The following NBPF12 variants were observed in gnomAD, a reference collection of about 807,000 sequenced individuals.
The protein encoded by NBPF12 is NBPF member 12.
In NBPF12, 115 loss-of-function variants were observed where a neutral mutation model predicts 146.4. The ratio of observed to expected loss-of-function variants is 0.79; its 90% CI spans 0.68 to 0.92. The LOEUF (loss-of-function observed/expected upper bound fraction) is 0.92, where lower values mean the gene tolerates loss of function less well. Among genes scored for constraint, NBPF12 ranks in the 40% least tolerant of loss-of-function variants. The pLI is 0.00. For missense variants in NBPF12, 1,205 were observed against 1,326.8 expected, an observed-to-expected ratio of 0.91 and a Z score of 1.43; for synonymous variants, 385 against 508.9, an observed-to-expected ratio of 0.76 and a Z score of 3.28.
chr1:146,968,567 G>C lies in NBPF12; in HGVS notation c.1091+17G>C, dbSNP rs1656351771. 1.9e-6 allele frequency: 3 copies of C among 1,569,980 alleles called. No homozygotes were observed. In the East Asian group the frequency reaches 6.7e-5, roughly 35 times the overall value. ...GGAGCTCAGGTGAGGGGACCCCATG[G>C]GGGCAGGCAGGGGGGCAGGTGTGTA... On this transcript the variant is annotated intron_variant, in intron 10 of 33. Transcript: ENST00000617844.
intron 27 of NBPF12, among the ~76,000 whole-genome samples, 185 bp from the exon 31 acceptor site, chr1:146,989,389 T>A (rs1158110397): frequency 2.0e-5 from 3 of 150,842 alleles, no homozygotes; most frequent in African/African-American, 7.3e-5. Context: ...TCTCTGTCTT[T>A]CTCTTTCATT....
intron 19 of NBPF12, among the ~76,000 whole-genome samples, chr1:146,981,258 A>C (rs1657356565): frequency 8.2e-6 from 1 of 122,346 alleles, no homozygotes; most frequent in Non-Finnish European, 1.7e-5. Flanking sequence ...GTGCACATGT[A>C]CCCTAAGACT....
At chr1:146,971,716 T>A (rs1656627444) in intron 13 of NBPF12, among the ~76,000 whole-genome samples, 1 of 150,600 alleles carries the variant, frequency 6.6e-6, no homozygotes, top group Non-Finnish European at 1.5e-5. Flanking sequence ...GCTAACACGA[T>A]CCTCCCACTC....
At chr1:146,972,855 T>A in exon 14 of NBPF12, 1 of 1,253,836 alleles carries the variant, frequency 8.0e-7, no homozygotes, top group Non-Finnish European at 1.2e-6. Context: ...CAATGAGAAG[T>A]TGCGCCCCCA....
chr1:146,972,459 A>T (rs1335759670), intron 13 of NBPF12, among the ~76,000 whole-genome samples: 1 of 151,490 alleles, frequency 6.6e-6, no homozygotes, highest in Non-Finnish European at 1.5e-5. Context: ...TTTGTGCTAC[A>T]CAGAAACATT....
At chr1:146,944,197 G>T (rs2101809548) in intron 2 of NBPF12, among the ~76,000 whole-genome samples, 1 of 129,462 alleles carries the variant, frequency 7.7e-6, no homozygotes, top group South Asian at 3.0e-4. Context: ...CCTTGTGGTG[G>T]ACGCCTTCTT....
chr1:146,949,139 ATGGGTCCTCC>A (rs1222122560), upstream of NBPF12, among the ~76,000 whole-genome samples: 10,885 of 136,104 alleles, frequency 0.08, no homozygotes, highest in East Asian at 0.17. Context: ...CAGTGCCGGC[ATGGGTCCTCC>A]GGCATGGGTC....
chr1:146,951,228 C>T, intron 1 of NBPF12, 120 bp from the exon 5 acceptor site: 1 of 641,750 alleles, frequency 1.6e-6, no homozygotes, highest in Non-Finnish European at 2.8e-6. Flanking sequence ...TTCTCTCAGG[C>T]CACACAGGGC....
At position 146,950,339 on chromosome 1, in the gene NBPF12, C is replaced by A. The variant is rs1252260725; in HGVS notation, c.-326+917C>A. On this transcript the variant is annotated intron_variant, in intron 1 of 33. Coordinates refer to ENST00000617844, the Ensembl canonical transcript of NBPF12. ...GACATAATTCCCTTACCTCTGTCGA[C>A]CTGTGAAACTGAACAAACAGCTTAT... Among the ~76,000 whole-genome samples, 164 of 152,086 alleles carry A rather than the reference C, an allele frequency of 1.1e-3. 2 individuals are homozygous for A. The highest frequency in any genetic ancestry group is 3.4e-3 in the African/African-American group (139 of 41,418).
At chr1:146,971,432 A>G in intron 13 of NBPF12, 38 bp downstream of exon 16, 1 of 1,538,476 alleles carries the variant, frequency 6.5e-7, no homozygotes, top group Non-Finnish European at 9.0e-7. Context: ...ACCTCTGTCT[A>G]GGCTATGGAA....
At chr1:146,973,574 G>A (rs1656796670) in intron 14 of NBPF12, among the ~76,000 whole-genome samples, 1 of 149,226 alleles carries the variant, frequency 6.7e-6, no homozygotes, top group Non-Finnish European at 1.5e-5. Context: ...TAGAGCACGA[G>A]GTCAGGAGTT....
chr1:146,970,420 G>A (rs1273776061), intron 11 of NBPF12, among the ~76,000 whole-genome samples: 7 of 150,640 alleles, frequency 4.6e-5, no homozygotes, highest in African/African-American at 1.2e-4. Context: ...GAAGCAAAAG[G>A]TCTTTTCAGT....
intron 17 of NBPF12, among the ~76,000 whole-genome samples, 171 bp from the exon 21 acceptor site, chr1:146,977,295 G>A (rs1222837612): frequency 2.0e-5 from 3 of 148,432 alleles, no homozygotes; most frequent in African/African-American, 2.6e-5. Flanking sequence ...CATGGCAGCC[G>A]TGCTCTGTTG....
intron 2 of NBPF12, among the ~76,000 whole-genome samples, chr1:146,954,969 AAT>A (rs1171967177): frequency 0.022 from 1,174 of 53,320 alleles, 10 homozygotes; most frequent in Non-Finnish European, 0.03. Flanking sequence ...CCAAATAGGG[AAT>A]ATATATATAT....
chr1:146,966,505 G>A (rs1656220944), exon 9 of NBPF12: 2 of 1,466,322 alleles, frequency 1.4e-6, no homozygotes, highest in African/African-American at 1.4e-5. Flanking sequence ...CAGCATGGTG[G>A]TATCAGCCGG....
intron 27 of NBPF12, among the ~76,000 whole-genome samples, 177 bp from the exon 31 acceptor site, chr1:146,989,397 A>T (rs1192014816): frequency 6.7e-6 from 1 of 149,650 alleles, no homozygotes; most frequent in Admixed American, 6.7e-5. Context: ...TTTCTCTTTC[A>T]TTGTTTTCTA....
chr1:146,990,952 C>T (rs1658108209), intron 29 of NBPF12, among the ~76,000 whole-genome samples, 161 bp from the exon 33 acceptor site: 1 of 125,064 alleles, frequency 8.0e-6, no homozygotes, highest in African/African-American at 3.2e-5. Context: ...TTCTACCTGG[C>T]CCTGGTCTAT....
At chr1:146,967,045 A>T (rs1656256957) in intron 9 of NBPF12, among the ~76,000 whole-genome samples, 2 of 151,500 alleles carry the variant, frequency 1.3e-5, no homozygotes, top group South Asian at 2.1e-4. Flanking sequence ...GAGACTAGTG[A>T]ACTTTTATTC....
intron 8 of NBPF12, among the ~76,000 whole-genome samples, chr1:146,965,907 A>C (rs1656172635): frequency 1.3e-5 from 2 of 150,940 alleles, no homozygotes; most frequent in Admixed American, 1.3e-4. Flanking sequence ...CAGGAGATCG[A>C]AACCAGCCTG....
Sources: gnomAD v4.1 joint callset for allele counts (sites outside exome capture counted in the v4.1 genomes callset) on GRCh38, gnomAD v4.1.1 for gene constraint, MANE v1.5 for transcripts, NCBI Gene and HGNC (gene_info 2026-07-23, HGNC 2026-07-21) for gene names.